EML6: variants seen among roughly 807,000 people sequenced by gnomAD.
EML6 encodes echinoderm microtubule-associated protein-like 6.
EML6 carries 154 observed loss-of-function variants against 240.1 expected under a neutral mutation model. The observed-to-expected ratio is 0.64, with a 90% CI of 0.56 to 0.73. The LOEUF (loss-of-function observed/expected upper bound fraction) is 0.73. Ranked by LOEUF, EML6 falls within the 30% of genes least tolerant of loss-of-function variation. The probability of loss-of-function intolerance (pLI) is 0.00; values close to 1 mark genes in which losing one functional copy is unlikely to be tolerated. For missense variants in EML6, 2,964 were observed against 2,474.6 expected (o/e 1.20, Z -4.20); for synonymous variants, 1,148 against 899.0 (o/e 1.28, Z -4.95).
chr2:54,928,210 G>A (rs558481624), intron 26 of EML6, 103 bp from the exon 27 acceptor site: 52 of 902,846 alleles, frequency 5.8e-5, no homozygotes, highest in Middle Eastern at 5.9e-4. Context: ...GGAAATTGCT[G>A]TTGAACTGTT....
intron 2 of EML6, among the ~76,000 whole-genome samples, chr2:54,802,650 A>ACTG (rs1558561999): frequency 4.0e-5 from 6 of 148,970 alleles, no homozygotes; most frequent in African/African-American, 1.5e-4. Flanking sequence ...TACTACTACT[A>ACTG]CTACTACTAC....
At chr2:54,867,437 T>C (rs117404992) in intron 14 of EML6, 1 of 152,338 alleles carries the variant, frequency 6.6e-6, no homozygotes, top group East Asian at 1.9e-4. Context: ...GGAACCTAAA[T>C]GCCATAAATG....
intron 28 of EML6, among the ~76,000 whole-genome samples, chr2:54,938,386 A>G (rs1454050811): frequency 2.6e-5 from 4 of 152,220 alleles, no homozygotes. Flanking sequence ...AGGAGCTAAT[A>G]GCAATTTTTA....
intron 12 of EML6, among the ~76,000 whole-genome samples, chr2:54,861,225 A>G (rs1409909929): frequency 6.6e-6 from 1 of 152,182 alleles, no homozygotes; most frequent in East Asian, 1.9e-4. Flanking sequence ...AAGCCTACCC[A>G]TACTTACTGG....
Position 54,863,996 on chromosome 2 carries a change from G to A in EML6, c.1932+107G>A. On this transcript the variant is annotated intron_variant, in intron 13 of 41. Coordinates refer to ENST00000356458, the MANE Select transcript of EML6 (RefSeq NM_001039753.4). ...CTGGCACTTAGACAAAGAGAATTGAGGCAAAAACAAGAAAAATAGTCTACT... is the reference window on the plus strand; with the variant it reads ...CTGGCACTTAGACAAAGAGAATTGAAGCAAAAACAAGAAAAATAGTCTACT... 4.8e-6 allele frequency: 3 copies of A among 621,572 alleles called. No individual in the cohort carries two copies. The South Asian group carries it at 7.0e-5, about 15-fold the overall frequency. The allele number at this position is 621,572 out of a possible 1,614,324, so 38.5% of individuals were successfully genotyped here. A position where few individuals can be genotyped will look rare whatever the true frequency, so the allele number is the denominator to read the frequency against.
intron 2 of EML6, among the ~76,000 whole-genome samples, chr2:54,802,445 G>A (rs1670203577): frequency 6.6e-6 from 1 of 151,834 alleles, no homozygotes. Context: ...GGTCAACATG[G>A]TCAAACCCCA....
At chr2:54,913,071 G>GTTTTT (rs1216432893) in intron 25 of EML6, among the ~76,000 whole-genome samples, 6 of 125,674 alleles carry the variant, frequency 4.8e-5, no homozygotes, top group East Asian at 2.3e-4. Flanking sequence ...GCCAGATTCT[G>GTTTTT]TTTTTTTTTT....
At chr2:54,953,939 C>T in intron 31 of EML6, 44 bp from the exon 32 acceptor site, 3 of 1,461,088 alleles carry the variant, frequency 2.1e-6, no homozygotes, top group Non-Finnish European at 1.9e-6. Flanking sequence ...CTTGGCTCTG[C>T]CATTTGTCAG....
chr2:54,956,820 C>A (rs183616204), intron 32 of EML6, among the ~76,000 whole-genome samples: 27 of 151,876 alleles, frequency 1.8e-4, no homozygotes, highest in African/African-American at 6.0e-4. Flanking sequence ...GACAAGAAAT[C>A]GGAACAAAAA....
At chr2:54,826,835 A>G (rs1668621855) in intron 5 of EML6, among the ~76,000 whole-genome samples, 1 of 152,202 alleles carries the variant, frequency 6.6e-6, no homozygotes, top group East Asian at 1.9e-4. Context: ...AAGATTTATA[A>G]CACTTAAAGT....
intron 2 of EML6, among the ~76,000 whole-genome samples, chr2:54,794,360 AT>A: frequency 6.6e-6 from 1 of 152,136 alleles, no homozygotes; most frequent in Non-Finnish European, 1.5e-5. Context: ...TGTTCTTATT[AT>A]TGATATTATA....
chr2:54,848,011 A>T (rs1388352157), intron 9 of EML6, among the ~76,000 whole-genome samples: 13 of 152,186 alleles, frequency 8.5e-5, no homozygotes, highest in Non-Finnish European at 1.5e-5. Flanking sequence ...TGAATAATGA[A>T]TTCCCAAGCA....
At chr2:54,877,459 TA>T (rs5831327) in intron 16 of EML6, among the ~76,000 whole-genome samples, 106,619 of 151,868 alleles carry the variant, frequency 0.7, 38,010 homozygotes, top group East Asian at 0.83. Context: ...TTAAAAGTCT[TA>T]AAAAAAAGCT....
Position 54,866,810 on chromosome 2 carries a change from G to C in EML6, c.1977G>C (p.Glu659Asp), listed in dbSNP as rs377187783. Residue 659 changes from glutamate (E) to aspartate (D), a missense_variant, in exon 14 of 42, where the codon GAG (glutamate) becomes GAC (aspartate). Glu to Asp is a conservative substitution (Grantham distance 45, BLOSUM62 2). Transcript: ENST00000356458. Reference sequence around the variant, plus strand: ...CTCAGCTAAAGCAACAAAGTAAAGAGAAAAACCACGCAGTGCCCTTCCTCA... The same window carrying C: ...CTCAGCTAAAGCAACAAAGTAAAGACAAAAACCACGCAGTGCCCTTCCTCA... ...DLPQLKQQSK[E>D]KNHAVPFLKR... The C allele has an allele frequency of 1.0e-4, 160 of 1,551,040 alleles. No individual in the cohort carries two copies. The highest frequency in any genetic ancestry group is 1.3e-4 in the Non-Finnish European group (152 of 1,146,596).
chr2:54,831,928 T>C (rs996526470), intron 7 of EML6, among the ~76,000 whole-genome samples: 1 of 152,196 alleles, frequency 6.6e-6, no homozygotes, highest in Non-Finnish European at 1.5e-5. Context: ...GCTTAGTATT[T>C]TACTTTAAAC....
chr2:54,949,909 C>T (rs1482012666), intron 29 of EML6, among the ~76,000 whole-genome samples: 1 of 152,224 alleles, frequency 6.6e-6, no homozygotes, highest in Non-Finnish European at 1.5e-5. Context: ...CCTGGTCTTT[C>T]CAAGACCTTC....
chr2:54,925,686 T>A (rs1032223139), intron 26 of EML6, among the ~76,000 whole-genome samples: 1 of 152,174 alleles, frequency 6.6e-6, no homozygotes, highest in Non-Finnish European at 1.5e-5. Context: ...CCAACCTCCA[T>A]GAGACATACC....
In EML6 at chr2:54,853,692, C is replaced by T. The variant is rs573652851; in HGVS notation, c.1494C>T (p.Ala498=). The change falls in exon 11 of 42, where the codon GCC becomes GCT. Residue 498 remains alanine (A), a synonymous_variant. Transcript: ENST00000356458. ...AAGAAATTAAAGGGATTCCTTGGGC[C>T]TCCTGGACATGCGTGAAAGGCCCTG... ...SKEEIKGIPW[A]SWTCVKGPEV... is the part of the protein sequence containing the mutation. 3 of 1,550,602 alleles carry T rather than the reference C, an allele frequency of 1.9e-6. 1 individual carries two copies. The highest frequency in any genetic ancestry group is 2.4e-5 in the South Asian group (2 of 83,844).
chr2:54,931,788 T>G (rs1464606841), intron 28 of EML6, among the ~76,000 whole-genome samples: 1 of 152,208 alleles, frequency 6.6e-6, no homozygotes, highest in East Asian at 1.9e-4. Context: ...TAGCACTGTT[T>G]TGTCACTTAG....
Sources: allele counts gnomAD v4.1 joint callset (sites outside exome capture counted in the v4.1 genomes callset), GRCh38; gene constraint gnomAD v4.1.1; transcripts MANE v1.5; gene names NCBI Gene and HGNC (gene_info 2026-07-23, HGNC 2026-07-21).